Variants in EPS15 observed in about 807,000 individuals in gnomAD.
EPS15 encodes epidermal growth factor receptor pathway substrate 15.
EPS15 carries 72 observed loss-of-function variants against 113.8 expected under a neutral mutation model. The observed-to-expected ratio is 0.63, with a 90% confidence interval of 0.52 to 0.77. The LOEUF is 0.77. Among genes scored for constraint, EPS15 ranks in the 30% least tolerant of loss-of-function variants. The pLI is 0.00. For synonymous variants in EPS15, 344 were observed against 363.4 expected (o/e 0.95, Z 0.61); for missense variants, 1,048 against 1,045.8 (o/e 1.00, Z -0.03).
intron 8 of EPS15, among the ~76,000 whole-genome samples, chr1:51,456,350 G>A (rs1288186821): frequency 6.6e-6 from 1 of 152,002 alleles, no homozygotes; most frequent in Non-Finnish European, 1.5e-5. Flanking sequence ...TAAACACAAA[G>A]CAGACACGGG....
At position 51,399,120 on chromosome 1, in the gene EPS15, G is replaced by A. The variant is rs1648255230; in HGVS notation, c.1964C>T (p.Ser655Leu). ...DPFKGSDPFA[S>L]DCFFRQSTDP... Reference sequence around the variant, plus strand: ...AGTAGATTGCCTGAAGAAACAGTCTGATGCAAATGGATCTGAACCTTTGAA... The same window carrying A: ...AGTAGATTGCCTGAAGAAACAGTCTAATGCAAATGGATCTGAACCTTTGAA... Residue 655 changes from serine (S) to leucine (L), a missense_variant, in exon 20 of 25, where the codon TCA (serine) becomes TTA (leucine). Transcript: ENST00000371733. The A allele has an allele frequency of 6.2e-7, 1 of 1,613,858 alleles. No individual in the cohort carries two copies. Among genetic ancestry groups the A allele is most frequent in the South Asian group, 1.1e-5 (1 of 91,080 alleles).
At chr1:51,482,887 G>C (rs1051183508) in intron 1 of EPS15, among the ~76,000 whole-genome samples, 13 of 152,090 alleles carry the variant, frequency 8.5e-5, no homozygotes, top group African/African-American at 2.9e-4. Context: ...GTGGGTGAGG[G>C]GGAAGGAAAG....
chr1:51,416,468 C>A (rs567055558), intron 13 of EPS15, among the ~76,000 whole-genome samples: 2 of 152,218 alleles, frequency 1.3e-5, no homozygotes, highest in South Asian at 2.1e-4. Context: ...AAGCCATATC[C>A]GAGGTTACTC....
At chr1:51,387,572 C>G (rs1209785208) in intron 21 of EPS15, among the ~76,000 whole-genome samples, 4 of 152,212 alleles carry the variant, frequency 2.6e-5, no homozygotes, top group Non-Finnish European at 5.9e-5. Context: ...ATTCAGGAAA[C>G]CCATCTCACG....
At chr1:51,464,048 C>T (rs1012757794) in intron 6 of EPS15, among the ~76,000 whole-genome samples, 3 of 152,062 alleles carry the variant, frequency 2.0e-5, no homozygotes, top group African/African-American at 7.2e-5. Context: ...AGCTGGAACA[C>T]CATCTTTATT....
chr1:51,370,277 T>G (rs1358123216), intron 21 of EPS15, among the ~76,000 whole-genome samples: 4 of 152,226 alleles, frequency 2.6e-5, no homozygotes, highest in Non-Finnish European at 5.9e-5. Flanking sequence ...CACACGATTA[T>G]GTGGAGTACA....
rs375803779 is a variant in EPS15, at chr1:51,428,102, G to GA, written c.1041-6245dup. ...AATGATATATTTAAAGTGCTGGAAG[G>GA]AAAAAAAAAACCTGTCAACTGAGAA... On this transcript the variant is annotated intron_variant, in intron 12 of 24. Transcript: ENST00000371733. Among the ~76,000 whole-genome samples, 70 of 147,774 alleles carry GA rather than the reference G, an allele frequency of 4.7e-4. 1 individual carries two copies. Among genetic ancestry groups the GA allele is most frequent in the Middle Eastern group, 3.5e-3 (1 of 286 alleles).
chr1:51,423,128 C>A, intron 12 of EPS15: 1 of 1,082,224 alleles, frequency 9.2e-7, no homozygotes, highest in Non-Finnish European at 1.2e-6. Flanking sequence ...CTTAAGATGT[C>A]TATGGAAGAA....
intron 12 of EPS15, among the ~76,000 whole-genome samples, chr1:51,435,325 C>T (rs1652065711): frequency 6.6e-6 from 1 of 152,146 alleles, no homozygotes; most frequent in African/African-American, 2.4e-5. Context: ...TCCTGAGTAG[C>T]TGGGATTATA....
At chr1:51,460,997 T>C (rs1199880972) in intron 8 of EPS15, 94 bp downstream of exon 8, 6 of 812,088 alleles carry the variant, frequency 7.4e-6, no homozygotes, top group Non-Finnish European at 1.3e-5. Context: ...CTGATGAGAA[T>C]ATAGTTTTCC....
intron 21 of EPS15, among the ~76,000 whole-genome samples, chr1:51,379,379 C>T (rs1646882521): frequency 6.6e-6 from 1 of 152,074 alleles, no homozygotes; most frequent in Non-Finnish European, 1.5e-5. Flanking sequence ...CTCGGCCTCC[C>T]ACAGTGTTGG....
intron 1 of EPS15, among the ~76,000 whole-genome samples, chr1:51,502,332 T>C (rs887222870): frequency 5.3e-5 from 8 of 152,112 alleles, no homozygotes; most frequent in Admixed American, 5.2e-4. Flanking sequence ...TAAAAATAAA[T>C]AAATACTTTT....
chr1:51,429,714 G>A (rs897293847), intron 12 of EPS15, among the ~76,000 whole-genome samples: 22 of 150,494 alleles, frequency 1.5e-4, no homozygotes, highest in Admixed American at 2.0e-4. Flanking sequence ...GCAGTGGCGC[G>A]ATCTTGGCTC....
chr1:51,473,028 T>A, intron 2 of EPS15, 80 bp from the exon 3 acceptor site: 1 of 1,074,926 alleles, frequency 9.3e-7, no homozygotes, highest in Non-Finnish European at 1.4e-6. Context: ...TCCATCCCTG[T>A]GATTTGGGAC....
intron 1 of EPS15, 148 bp downstream of exon 1, chr1:51,519,051 C>A (rs1273981132): frequency 2.9e-5 from 13 of 451,294 alleles, no homozygotes; most frequent in Non-Finnish European, 4.4e-5. Flanking sequence ...CGCAGTCGCA[C>A]CCGCTTTCCC....
At chr1:51,469,831 GTCACAGATAATC>G (rs1557500215) in intron 4 of EPS15, among the ~76,000 whole-genome samples, 1 of 151,504 alleles carries the variant, frequency 6.6e-6, no homozygotes, top group Non-Finnish European at 1.5e-5. Flanking sequence ...TACCGCCTAT[GTCACAGATAATC>G]TCCTAGCTAC....
chr1:51,447,681 T>A (rs1002146983), intron 9 of EPS15, among the ~76,000 whole-genome samples: 4 of 152,202 alleles, frequency 2.6e-5, no homozygotes, highest in Non-Finnish European at 4.4e-5. Flanking sequence ...ACATGCCATG[T>A]TAGCATGGAG....
At chr1:51,459,342 C>T (rs1003286359) in intron 8 of EPS15, among the ~76,000 whole-genome samples, 2 of 151,870 alleles carry the variant, frequency 1.3e-5, no homozygotes, top group Non-Finnish European at 2.9e-5. Flanking sequence ...ACTAAAAATA[C>T]AAAAGTTAGC....
At chr1:51,470,646 CAAAAAAAAAAA>C (rs10616476) in intron 4 of EPS15, among the ~76,000 whole-genome samples, 1 of 72,996 alleles carries the variant, frequency 1.4e-5, no homozygotes, top group Non-Finnish European at 3.0e-5. Context: ...GGCTCTGTCT[CAAAAAAAAAAA>C]AAAAAAAAAA....
Sources: gnomAD v4.1 joint callset for allele counts (sites outside exome capture counted in the v4.1 genomes callset) on GRCh38, gnomAD v4.1.1 for gene constraint, MANE v1.5 for transcripts, NCBI Gene and HGNC (gene_info 2026-07-23, HGNC 2026-07-21) for gene names.